FHIT: variants seen among roughly 807,000 people sequenced by gnomAD.
FHIT encodes the protein bis(5'-adenosyl)-triphosphatase.
FHIT carries 19 observed loss-of-function variants against 17.9 expected under a neutral mutation model. That is an observed-to-expected ratio of 1.06 (90% CI 0.74 to 1.56). The LOEUF is 1.56. FHIT is among the 40% of genes most tolerant of loss of function. FHIT has a pLI of 0.00. For missense variants in FHIT, 248 were observed against 189.2 expected, an observed-to-expected ratio of 1.31 and a Z score of -1.82; for synonymous variants, 81 against 69.7, an observed-to-expected ratio of 1.16 and a Z score of -0.81.
intron 5 of FHIT, among the ~76,000 whole-genome samples, chr3:60,391,533 T>G (rs1441639613): frequency 6.6e-6 from 1 of 152,220 alleles, no homozygotes; most frequent in Admixed American, 6.5e-5. Flanking sequence ...GCTCCATCCA[T>G]GGTAAGTGCC....
chr3:60,925,537 C>T (rs1707547648), intron 3 of FHIT, among the ~76,000 whole-genome samples: 2 of 152,176 alleles, frequency 1.3e-5, no homozygotes, highest in South Asian at 4.1e-4. Flanking sequence ...ACCAGGCCTG[C>T]CTTACAAGAG....
chr3:60,799,085 T>C (rs1701095119), intron 4 of FHIT, among the ~76,000 whole-genome samples: 2 of 152,354 alleles, frequency 1.3e-5, no homozygotes, highest in South Asian at 4.1e-4. Flanking sequence ...AACAAATTAA[T>C]ATGTTAAAAA....
At chr3:61,093,524 T>TGAGAAA (rs1484275649) in intron 2 of FHIT, among the ~76,000 whole-genome samples, 2 of 152,014 alleles carry the variant, frequency 1.3e-5, no homozygotes, top group African/African-American at 4.8e-5. Context: ...AGAAAGAGAT[T>TGAGAAA]GAGAAAGAGA....
intron 4 of FHIT, among the ~76,000 whole-genome samples, chr3:60,637,311 C>T (rs971647389): frequency 6.6e-6 from 1 of 152,048 alleles, no homozygotes; most frequent in Non-Finnish European, 1.5e-5. Context: ...GCTTTTTGAT[C>T]AAAAATAATT....
intron 4 of FHIT, among the ~76,000 whole-genome samples, chr3:60,689,243 T>G (rs2040931622): frequency 6.6e-6 from 1 of 152,156 alleles, no homozygotes; most frequent in South Asian, 2.1e-4. Flanking sequence ...GAACTGCAAG[T>G]CAAATAAACG....
At chr3:61,138,544 C>A (rs2106987430) in intron 2 of FHIT, among the ~76,000 whole-genome samples, 1 of 152,336 alleles carries the variant, frequency 6.6e-6, no homozygotes, top group South Asian at 2.1e-4. Flanking sequence ...GAGCTCCACA[C>A]ACTGGCACTT....
intron 4 of FHIT, among the ~76,000 whole-genome samples, chr3:60,635,576 G>C (rs2039562514): frequency 6.6e-6 from 1 of 152,092 alleles, no homozygotes. Context: ...CTTACTCCAT[G>C]TCCCATGCCT....
intron 8 of FHIT, among the ~76,000 whole-genome samples, chr3:59,844,847 A>AT (rs1034060298): frequency 1.3e-5 from 2 of 152,062 alleles, no homozygotes; most frequent in African/African-American, 4.8e-5. Context: ...CTTTTATTTA[A>AT]TTTTTTTGAA....
intron 8 of FHIT, among the ~76,000 whole-genome samples, chr3:59,860,809 T>G (rs1022447263): frequency 6.6e-6 from 1 of 152,080 alleles, no homozygotes; most frequent in Admixed American, 6.6e-5. Context: ...AAAAAGAATA[T>G]TTACATTCCC....
intron 4 of FHIT, among the ~76,000 whole-genome samples, chr3:60,561,861 C>T (rs1454378374): frequency 6.7e-6 from 1 of 150,260 alleles, no homozygotes; most frequent in Non-Finnish European, 1.5e-5. Flanking sequence ...TTTTTTATTG[C>T]CCAGACTCTG....
intron 2 of FHIT, among the ~76,000 whole-genome samples, chr3:61,083,007 C>T (rs2035190115): frequency 6.6e-6 from 1 of 152,056 alleles, no homozygotes; most frequent in Non-Finnish European, 1.5e-5. Flanking sequence ...TTTATATGAT[C>T]TGAATACTAG....
chr3:61,202,509 TAAA>T (rs35348304), intron 1 of FHIT, among the ~76,000 whole-genome samples: 6 of 124,518 alleles, frequency 4.8e-5, no homozygotes, highest in Admixed American at 1.5e-4. Context: ...ACTTTTTCGT[TAAA>T]AAAAAAAAAA....
intron 5 of FHIT, among the ~76,000 whole-genome samples, chr3:60,266,717 G>C (rs867472348): frequency 1.4e-4 from 21 of 151,934 alleles, no homozygotes; most frequent in African/African-American, 5.1e-4. Flanking sequence ...TAAAATAGAG[G>C]GTCTCTGACA....
intron 8 of FHIT, among the ~76,000 whole-genome samples, chr3:59,759,920 T>C (rs551465567): frequency 4.6e-5 from 7 of 152,254 alleles, no homozygotes; most frequent in African/African-American, 1.4e-4. Flanking sequence ...TATTACTTAG[T>C]AGAAAAATAT....
chr3:60,352,872 G>C (rs570290644), intron 5 of FHIT, among the ~76,000 whole-genome samples: 10 of 152,036 alleles, frequency 6.6e-5, no homozygotes, highest in Admixed American at 5.2e-4. Flanking sequence ...CAGGAAATAG[G>C]GGAGCTCTTA....
intron 8 of FHIT, among the ~76,000 whole-genome samples, chr3:59,823,244 C>CT (rs1428497447): frequency 6.6e-6 from 1 of 152,064 alleles, no homozygotes; most frequent in African/African-American, 2.4e-5. Flanking sequence ...CAGATTTGTT[C>CT]TTTTTGCTTA....
At chr3:60,199,838 G>C (rs1347759492) in intron 5 of FHIT, among the ~76,000 whole-genome samples, 2 of 152,090 alleles carry the variant, frequency 1.3e-5, no homozygotes, top group African/African-American at 2.4e-5. Context: ...GGAGAGAGTA[G>C]AGAGAATTAC....
At chr3:61,239,761 CCATATATA>C (rs1374002044) in intron 1 of FHIT, among the ~76,000 whole-genome samples, 11 of 63,166 alleles carry the variant, frequency 1.7e-4, no homozygotes, top group Admixed American at 1.5e-3. Flanking sequence ...AAACAACTGG[CCATATATA>C]TATATATATA....
intron 4 of FHIT, among the ~76,000 whole-genome samples, chr3:60,591,889 G>C (rs2038097570): frequency 6.6e-6 from 1 of 152,002 alleles, no homozygotes; most frequent in South Asian, 2.1e-4. Context: ...TTTGGGAGAA[G>C]AGAGAGTTCG....
Sources: allele counts gnomAD v4.1 joint callset (sites outside exome capture counted in the v4.1 genomes callset), GRCh38; gene constraint gnomAD v4.1.1; transcripts MANE v1.5; gene names NCBI Gene and HGNC (gene_info 2026-07-23, HGNC 2026-07-21).